The following PRKG1 variants were observed in gnomAD, a reference collection of about 807,000 sequenced individuals.
PRKG1 encodes cGMP-dependent protein kinase 1.
In PRKG1, 35 loss-of-function variants were observed where a neutral mutation model predicts 88.1. The ratio of observed to expected loss-of-function variants is 0.40; its 90% CI spans 0.30 to 0.53. PRKG1 has a LOEUF of 0.53. Among genes scored for constraint, PRKG1 ranks in the 20% least tolerant of loss-of-function variants. PRKG1 has a pLI of 0.59. For synonymous variants in PRKG1, 303 were observed against 292.5 expected (o/e 1.04, Z -0.37); for missense variants, 540 against 839.8 (o/e 0.64, Z 4.41).
At chr10:51,445,610 A>G (rs895501579) in intron 2 of PRKG1, among the ~76,000 whole-genome samples, 1 of 151,960 alleles carries the variant, frequency 6.6e-6, no homozygotes, top group Non-Finnish European at 1.5e-5. Flanking sequence ...TTGTAGAAAA[A>G]TTTCATTTTT....
intron 2 of PRKG1, among the ~76,000 whole-genome samples, chr10:51,434,024 T>C (rs1422418475): frequency 1.3e-5 from 2 of 152,136 alleles, no homozygotes; most frequent in Non-Finnish European, 2.9e-5. Context: ...CTGGCTGAGC[T>C]GTAACTCAAA....
chr10:51,023,096 A>G (rs1843161798), intron 1 of PRKG1, among the ~76,000 whole-genome samples: 1 of 152,232 alleles, frequency 6.6e-6, no homozygotes, highest in Admixed American at 6.5e-5. Context: ...CATTTGACAG[A>G]AGAGAAAGTA....
At chr10:51,155,048 C>A (rs1846172249) in intron 2 of PRKG1, among the ~76,000 whole-genome samples, 1 of 151,960 alleles carries the variant, frequency 6.6e-6, no homozygotes, top group South Asian at 2.1e-4. Context: ...TTGGTCAGCA[C>A]CTTTTAATAA....
chr10:52,224,942 C>T (rs1337997953), intron 9 of PRKG1, among the ~76,000 whole-genome samples: 1 of 151,164 alleles, frequency 6.6e-6, no homozygotes, highest in Non-Finnish European at 1.5e-5. Flanking sequence ...CTGCTATAAA[C>T]ATGTGTGTGT....
chr10:51,485,009 C>G lies in PRKG1; in HGVS notation c.592+17173C>G, dbSNP rs115981308. ...GTTGCAAAATCCAAAACATTGAATA[C>G]TAGGGAAATTTGAGCTTCAGGCTGT... On this transcript the variant is annotated intron_variant, in intron 3 of 17. Transcript: ENST00000373980. Among the ~76,000 whole-genome samples, 417 of 152,132 alleles carry G rather than the reference C, an allele frequency of 2.7e-3. 2 individuals are homozygous for G. The highest frequency in any genetic ancestry group is 9.7e-3 in the African/African-American group (403 of 41,512).
At chr10:51,340,563 AT>A (rs1053131302) in intron 2 of PRKG1, among the ~76,000 whole-genome samples, 7 of 152,204 alleles carry the variant, frequency 4.6e-5, no homozygotes, top group African/African-American at 1.7e-4. Flanking sequence ...TGGATTTAGA[AT>A]TGCAAAGTCT....
At chr10:51,024,325 T>A (rs942408658) in intron 1 of PRKG1, among the ~76,000 whole-genome samples, 1 of 152,130 alleles carries the variant, frequency 6.6e-6, no homozygotes, top group African/African-American at 2.4e-5. Flanking sequence ...TGAAGGACAA[T>A]GTAGACAGAA....
intron 3 of PRKG1, among the ~76,000 whole-genome samples, chr10:51,631,155 G>A (rs1293585705): frequency 6.6e-6 from 1 of 152,128 alleles, no homozygotes; most frequent in African/African-American, 2.4e-5. Context: ...TATTTTAAAT[G>A]CAACTTTCCT....
At chr10:51,947,460 G>A (rs979078653) in intron 5 of PRKG1, among the ~76,000 whole-genome samples, 5 of 125,786 alleles carry the variant, frequency 4.0e-5, no homozygotes, top group East Asian at 2.7e-4. Context: ...CGCATGGTGC[G>A]CTGCACCCAC....
chr10:51,460,386 C>T (rs1210169236), intron 2 of PRKG1, among the ~76,000 whole-genome samples: 1 of 152,054 alleles, frequency 6.6e-6, no homozygotes, highest in Admixed American at 6.6e-5. Context: ...ATTGAAGGTG[C>T]TCATGTATTA....
intron 2 of PRKG1, among the ~76,000 whole-genome samples, chr10:51,467,058 A>G (rs1839924710): frequency 6.6e-6 from 1 of 152,098 alleles, no homozygotes; most frequent in Non-Finnish European, 1.5e-5. Context: ...AGGTAACAAT[A>G]TATACCCAGT....
rs955008716 is a variant in PRKG1, at chr10:51,760,872, C to T, written c.593-43713C>T. On this transcript the variant is annotated intron_variant, in intron 3 of 17. Coordinates refer to ENST00000373980, the MANE Select transcript of PRKG1 (RefSeq NM_006258.4). ...GCTGATGCCTGTAATCTTAGCACCG[C>T]GGGAGGCTGAAGCGGGTGGATCACC... 3.0e-4 allele frequency among the ~76,000 whole-genome samples: 45 copies of T among 152,106 alleles called. 2 individuals carry two copies. The highest frequency in any genetic ancestry group is 4.2e-4 in the South Asian group (2 of 4,816).
intron 3 of PRKG1, chr10:51,699,177 G>T (rs1204907669): frequency 6.2e-7 from 1 of 1,614,104 alleles, no homozygotes; most frequent in Non-Finnish European, 8.5e-7. Context: ...ATCGATTCAG[G>T]GGCATCTTCT....
intron 3 of PRKG1, among the ~76,000 whole-genome samples, chr10:51,704,254 T>C (rs187335492): frequency 7.3e-5 from 11 of 150,426 alleles, no homozygotes; most frequent in Non-Finnish European, 1.3e-4. Context: ...GACAGACAGA[T>C]AGATAGATAG....
chr10:51,996,135 A>G (rs1253678850), intron 5 of PRKG1, among the ~76,000 whole-genome samples: 1 of 151,872 alleles, frequency 6.6e-6, no homozygotes, highest in East Asian at 1.9e-4. Context: ...ATCCGGTGAA[A>G]CACCGTCTCT....
intron 3 of PRKG1, among the ~76,000 whole-genome samples, chr10:51,630,869 G>T (rs767981550): frequency 6.6e-6 from 1 of 152,190 alleles, no homozygotes; most frequent in Non-Finnish European, 1.5e-5. Context: ...GCTGTGGTTA[G>T]CCACTGAATG....
intron 9 of PRKG1, among the ~76,000 whole-genome samples, chr10:52,186,607 C>T (rs1220412175): frequency 1.3e-5 from 2 of 151,922 alleles, no homozygotes; most frequent in Non-Finnish European, 2.9e-5. Flanking sequence ...GTATCTTGTA[C>T]ATTGTAGCAT....
At chr10:52,205,884 T>C (rs2132788837) in intron 9 of PRKG1, among the ~76,000 whole-genome samples, 1 of 152,264 alleles carries the variant, frequency 6.6e-6, no homozygotes, top group East Asian at 1.9e-4. Context: ...GTCTGATGAC[T>C]ATGTGCATTG....
chr10:51,830,001 T>C (rs1426384291), intron 4 of PRKG1, among the ~76,000 whole-genome samples: 2 of 152,176 alleles, frequency 1.3e-5, no homozygotes, highest in African/African-American at 4.8e-5. Flanking sequence ...TCTCCAGGTC[T>C]ATTTCTATAG....
Sources: gnomAD v4.1 joint callset for allele counts (sites outside exome capture counted in the v4.1 genomes callset) on GRCh38, gnomAD v4.1.1 for gene constraint, MANE v1.5 for transcripts, NCBI Gene and HGNC (gene_info 2026-07-23, HGNC 2026-07-21) for gene names.